The following DDX51 variants were observed in gnomAD, a reference collection of about 807,000 sequenced individuals.
The protein encoded by DDX51 is ATP-dependent RNA helicase DDX51.
A neutral mutation model predicts 74.6 loss-of-function variants in DDX51; 67 were observed. The ratio of observed to expected loss-of-function variants is 0.90; its 90% confidence interval spans 0.74 to 1.10. DDX51 has a LOEUF of 1.10. Among genes scored for constraint, DDX51 ranks in the 50% least tolerant of loss-of-function variants. The pLI, the probability that DDX51 is intolerant of heterozygous loss-of-function variation, is 0.00. For synonymous variants in DDX51, 545 were observed against 402.9 expected (o/e 1.35, Z -4.22); for missense variants, 1,056 against 905.2 (o/e 1.17, Z -2.14).
At position 132,136,691 on chromosome 12, in the gene DDX51, T is replaced by G. The variant is rs2136670044; in HGVS notation, c.*2581A>C. 6.6e-6 allele frequency: 1 copy of G among 152,402 alleles called. No homozygotes were observed. Among genetic ancestry groups the G allele is most frequent in the South Asian group, 2.1e-4 (1 of 4,846 alleles). 9.4% of individuals were successfully genotyped at this position (152,402 alleles called of 1,614,324 possible). On this transcript the variant is annotated 3_prime_UTR_variant, in exon 15 of 15. Coordinates refer to ENST00000397333, the MANE Select transcript of DDX51 (RefSeq NM_175066.4). ...AAGTTGTAGTAAAGATGTCAAGGTT[T>G]CTTTTTTTTCTGTCGCCAGGCTGCA...
chr12:132,141,826 A>C (rs1897474733), intron 6 of DDX51, 24 bp downstream of exon 6: 1 of 1,611,768 alleles, frequency 6.2e-7, no homozygotes, highest in Non-Finnish European at 8.5e-7. Context: ...CCCCCTGAAA[A>C]ACCCGCACCC....
In DDX51 at chr12:132,136,699, TTC is replaced by T. The variant is rs1161284827; in HGVS notation, c.*2571_*2572del. 6.6e-6 allele frequency: 1 copy of T among 152,408 alleles called. No individual in the cohort carries two copies. Among genetic ancestry groups the T allele is most frequent in the East Asian group, 1.9e-4 (1 of 5,148 alleles). 9.4% of individuals were successfully genotyped at this position (152,408 alleles called of 1,614,324 possible). ...GTAAAGATGTCAAGGTTTCTTTTTT[TTC>T]TGTCGCCAGGCTGCAGTGCAGTGGG... On this transcript the variant is annotated 3_prime_UTR_variant, in exon 15 of 15. Coordinates refer to ENST00000397333, the MANE Select transcript of DDX51 (RefSeq NM_175066.4).
Position 132,141,346 on chromosome 12 carries a change from G to T in DDX51, c.1179C>A (p.Phe393Leu). 1 of 1,598,664 alleles carries T rather than the reference G, an allele frequency of 6.3e-7. No individual in the cohort carries two copies. Among genetic ancestry groups the T allele is most frequent in the Non-Finnish European group, 8.5e-7 (1 of 1,179,674 alleles). The change falls in exon 8 of 15, where the codon TTC (phenylalanine) becomes TTA (leucine). Residue 393 changes from phenylalanine (F) to leucine (L), a missense_variant. Physicochemically the swap from Phe to Leu is conservative, Grantham distance 22 (BLOSUM62 0). Transcript: ENST00000397333. ...AGGGGTCCGCGGGGTCCTCGCTCTG[G>T]AAGGCGGCCGCCACCACCCGCGGCA... ...SWLPRVVAAA[F>L]QSEDPADPCA...
At position 132,142,173 on chromosome 12, in the gene DDX51, C is replaced by T. The variant is rs547043659; in HGVS notation, c.834G>A (p.Val278=). 1 of 1,556,906 alleles carries T rather than the reference C, an allele frequency of 6.4e-7. No individual in the cohort carries two copies. The highest frequency in any genetic ancestry group is 1.2e-5 in the South Asian group (1 of 81,376). ...IPVVQALLSR[V]VCHIRALVVL... Reference sequence around the variant, plus strand: ...CAACCAGGGCACGGATGTGGCAGACCACTCTCGAAAGCAGGGCCTGAGGGG... The same window carrying T: ...CAACCAGGGCACGGATGTGGCAGACTACTCTCGAAAGCAGGGCCTGAGGGG... Residue 278 remains valine (V), a synonymous_variant, in exon 5 of 15, where the codon GTG becomes GTA. Coordinates refer to ENST00000397333, the MANE Select transcript of DDX51 (RefSeq NM_175066.4).
intron 2 of DDX51, chr12:132,143,491 AG>A (rs1897562461): frequency 1.0e-5 from 7 of 681,580 alleles, no homozygotes; most frequent in African/African-American, 1.9e-5. Flanking sequence ...GCGGGAGGAC[AG>A]GGGCAAGCCT....
chr12:132,138,166 G>A lies in DDX51; in HGVS notation c.*1106C>T, dbSNP rs924477114. The A allele has an allele frequency of 1.3e-5, 2 of 152,362 alleles. No individual in the cohort carries two copies. Among genetic ancestry groups the A allele is most frequent in the Non-Finnish European group, 2.9e-5 (2 of 68,154 alleles). The allele number at this position is 152,362 out of a possible 1,614,324, so 9.4% of individuals were successfully genotyped here. ...TGGATGTAGGTTTCATTGATCTGGG[G>A]TGTACAAGGTGCATAGGAGAGGAAG... is the stretch of plus-strand genomic sequence containing the variant. On this transcript the variant is annotated 3_prime_UTR_variant, in exon 15 of 15. Transcript: ENST00000397333.
intron 5 of DDX51, 35 bp from the exon 6 acceptor site, chr12:132,141,991 C>T (rs1897484405): frequency 1.9e-6 from 3 of 1,608,630 alleles, no homozygotes; most frequent in Non-Finnish European, 2.6e-6. Context: ...CTGGAGGTAG[C>T]TGGTGTCCAC....
chr12:132,140,099 G>A lies in DDX51; in HGVS notation c.1774C>T (p.Arg592Trp), dbSNP rs749026114. The change falls in exon 12 of 15, where the codon CGG (arginine) becomes TGG (tryptophan). Residue 592 changes from arginine to tryptophan, a missense_variant and splice_region_variant. Transcript: ENST00000397333. ...AGTGGCCGCTGCGCCAGCGCTCACC[G>A]GTGCACGTAGGTTCTCAGGTACTGG... Reference protein sequence around the residue: ...APQYLRTYVHRVGRTARAGKT... With the variant: ...APQYLRTYVHWVGRTARAGKT... The A allele has an allele frequency of 5.0e-6, 8 of 1,612,480 alleles. No homozygotes were observed. The highest frequency in any genetic ancestry group is 1.1e-5 in the South Asian group (1 of 91,052).
In DDX51 at chr12:132,140,494, C is replaced by T. The variant is rs985352226; in HGVS notation, c.1602G>A (p.Glu534=). 1 of 1,613,178 alleles carries T rather than the reference C, an allele frequency of 6.2e-7. No individual in the cohort carries two copies. Among genetic ancestry groups the T allele is most frequent in the Non-Finnish European group, 8.5e-7 (1 of 1,180,026 alleles). Reference sequence around the variant, plus strand: ...GGCCAGGCCCGTAGCGCGAGGAGAACTCAGCCACGTCCACACCCCCAAAAG... The same window carrying T: ...GGCCAGGCCCGTAGCGCGAGGAGAATTCAGCCACGTCCACACCCCCAAAAG... The part of the protein sequence containing the change: ...VQAFGGVDVA[E]FSSRYGPGQR... Residue 534 remains glutamate, a synonymous_variant, in exon 11 of 15, where the codon GAG becomes GAA. Transcript: ENST00000397333.
Position 132,143,774 on chromosome 12 carries a change from C to T in DDX51, c.440G>A (p.Gly147Glu). The T allele has an allele frequency of 5.9e-6, 9 of 1,519,144 alleles. No homozygotes were observed. Among genetic ancestry groups the T allele is most frequent in the African/African-American group, 1.4e-5 (1 of 70,470 alleles). 94.1% of individuals were successfully genotyped at this position (1,519,144 alleles called of 1,614,324 possible). ...TSASAEAAPD[G>E]PALEEAAGPL... ...TCCGGCCGCCTCCTCCAGGGCCGGTCCATCTGGGGCCGCCTCGGCGCTGGC... is the reference window on the plus strand; with the variant it reads ...TCCGGCCGCCTCCTCCAGGGCCGGTTCATCTGGGGCCGCCTCGGCGCTGGC... Residue 147 changes from glycine to glutamate, a missense_variant, in exon 2 of 15, where the codon GGA (glycine) becomes GAA (glutamate). By Grantham distance (98) the Gly-to-Glu change is moderately conservative. Coordinates refer to ENST00000397333, the MANE Select transcript of DDX51 (RefSeq NM_175066.4).
Position 132,137,974 on chromosome 12 carries a change from G to C in DDX51, c.*1298C>G, listed in dbSNP as rs192884500. The C allele has an allele frequency of 1.3e-5, 2 of 152,244 alleles. No individual in the cohort carries two copies. Among genetic ancestry groups the C allele is most frequent in the African/African-American group, 2.4e-5 (1 of 41,446 alleles). The allele number at this position is 152,244 out of a possible 1,614,324, so 9.4% of individuals were successfully genotyped here. A position where few individuals can be genotyped will look rare whatever the true frequency, so the allele number is the denominator to read the frequency against. ...CGGAGCCTTCCTTCAGTTAGCGTCA[G>C]GTTCCGGGTTCATCCACGGGGTGCC... On this transcript the variant is annotated 3_prime_UTR_variant, in exon 15 of 15. Transcript: ENST00000397333.
rs771851774 is a variant in DDX51 at position 132,141,301 on chromosome 12, C to A, written c.1224G>T (p.Arg408Ser). Residue 408 changes from arginine (R) to serine (S), a missense_variant, in exon 8 of 15, where the codon AGG becomes AGT. Physicochemically the swap from Arg to Ser is moderately radical, Grantham distance 110 (BLOSUM62 -1). Coordinates refer to ENST00000397333, the MANE Select transcript of DDX51 (RefSeq NM_175066.4). ...PADPCALLQR[R>S]QAQAVTAAST... Reference sequence around the variant, plus strand: ...TGGCGGCTGTCACAGCCTGGGCCTGCCTTCGCTGGAGCAGGGCACAGGGGT... The same window carrying A: ...TGGCGGCTGTCACAGCCTGGGCCTGACTTCGCTGGAGCAGGGCACAGGGGT... The A allele has an allele frequency of 1.4e-5, 23 of 1,597,056 alleles. No individual in the cohort carries two copies. The highest frequency in any genetic ancestry group is 2.0e-5 in the Non-Finnish European group (23 of 1,178,444).
At chr12:132,140,382 C>T (rs570692946) in intron 11 of DDX51, 41 bp downstream of exon 11, 1 of 1,600,470 alleles carries the variant, frequency 6.2e-7, no homozygotes, top group East Asian at 2.2e-5. Context: ...GGAGTGGGCA[C>T]CCCCACCCCA....
Position 132,139,161 on chromosome 12 carries a change from T to C in DDX51, c.*111A>G, listed in dbSNP as rs1349340623. 6.8e-7 allele frequency: 1 copy of C among 1,472,202 alleles called. No individual in the cohort carries two copies. The highest frequency in any genetic ancestry group is 9.2e-7 in the Non-Finnish European group (1 of 1,091,492). 91.2% of individuals were successfully genotyped at this position (1,472,202 alleles called of 1,614,324 possible). ...ACCACGTGCTTGGGGAGGAAGGCTG[T>C]GTCCACTGGGGGATTCCTTTCCTCA... On this transcript the variant is annotated 3_prime_UTR_variant, in exon 15 of 15. Coordinates refer to ENST00000397333, the MANE Select transcript of DDX51 (RefSeq NM_175066.4).
chr12:132,143,520 C>T lies in DDX51; in HGVS notation c.519+175G>A. 1.6e-5 allele frequency: 13 copies of T among 815,428 alleles called. No individual in the cohort carries two copies. In the South Asian group the frequency reaches 2.0e-4, roughly 12 times the overall value. 50.5% of individuals were successfully genotyped at this position (815,428 alleles called of 1,614,324 possible). A position where few individuals can be genotyped will look rare whatever the true frequency, so the allele number is the denominator to read the frequency against. ...GCAAGCCTAGCAGAGGAAACGGGAGCTCTGCACGTGCAGGATCCAGACCCC... is the reference window on the plus strand; with the variant it reads ...GCAAGCCTAGCAGAGGAAACGGGAGTTCTGCACGTGCAGGATCCAGACCCC... On this transcript the variant is annotated intron_variant, in intron 2 of 14. Coordinates refer to ENST00000397333, the MANE Select transcript of DDX51 (RefSeq NM_175066.4).
Position 132,141,612 on chromosome 12 carries a change from G to C in DDX51, c.996-6C>G, listed in dbSNP as rs759342245. On this transcript the variant is annotated splice_region_variant and splice_polypyrimidine_tract_variant and intron_variant, in intron 6 of 14. Coordinates refer to ENST00000397333, the MANE Select transcript of DDX51 (RefSeq NM_175066.4). ...AGCAGCGGTACCCATCAGCTCTACA[G>C]ACCAGAGAGCAGCTCGAGAGAAGGA... 6.4e-7 allele frequency: 1 copy of C among 1,572,682 alleles called. No homozygotes were observed. Among genetic ancestry groups the C allele is most frequent in the Admixed American group, 1.9e-5 (1 of 53,214 alleles).
At chr12:132,139,357 G>A in intron 14 of DDX51, 59 bp from the exon 15 acceptor site, 1 of 1,588,692 alleles carries the variant, frequency 6.3e-7, no homozygotes, top group Non-Finnish European at 8.6e-7. Context: ...CGTCTGTGGG[G>A]CCCCGGGCTC....
chr12:132,139,371 C>G (rs890262992), intron 14 of DDX51, 73 bp from the exon 15 acceptor site: 14 of 1,574,684 alleles, frequency 8.9e-6, no homozygotes, highest in Middle Eastern at 1.7e-4. Flanking sequence ...CGGGCTCTGC[C>G]CCTGGAACCC....
Position 132,141,408 on chromosome 12 carries a change from C to A in DDX51, c.1117G>T (p.Ala373Ser). 1 of 1,593,970 alleles carries A rather than the reference C, an allele frequency of 6.3e-7. No homozygotes were observed. Among genetic ancestry groups the A allele is most frequent in the East Asian group, 2.2e-5 (1 of 44,778 alleles). The stretch of plus-strand genomic sequence containing the variant: ...TGCATGCTGTCAATCATCCGGTCAG[C>A]CTCGTCGATAATCTGCAGGAGACAG... Reference protein sequence around the residue: ...QQLRFLIIDEADRMIDSMHQS... With the variant: ...QQLRFLIIDESDRMIDSMHQS... Residue 373 changes from alanine (A) to serine (S), a missense_variant, in exon 8 of 15, where the codon GCT (alanine) becomes TCT (serine). Transcript: ENST00000397333.
Sources: allele counts gnomAD v4.1 joint callset, GRCh38; gene constraint gnomAD v4.1.1; transcripts MANE v1.5; gene names NCBI Gene and HGNC (gene_info 2026-07-23, HGNC 2026-07-21).